The following SLC13A1 variants were observed in gnomAD, a reference collection of about 807,000 sequenced individuals.
SLC13A1 encodes the protein solute carrier family 13 member 1, also known as Na(+)/sulfate cotransporter.
A neutral mutation model predicts 70.0 loss-of-function variants in SLC13A1; 65 were observed. That is an observed-to-expected ratio of 0.93 (90% CI 0.76 to 1.14). The LOEUF is 1.14. SLC13A1 is among the 50% of genes most tolerant of loss of function. The pLI is 0.00. For missense variants in SLC13A1, 726 were observed against 717.8 expected (o/e 1.01, Z -0.13); for synonymous variants, 275 against 250.5 (o/e 1.10, Z -0.92).
At chr7:123,143,571 C>T (rs1018417779) in intron 7 of SLC13A1, among the ~76,000 whole-genome samples, 1 of 152,144 alleles carries the variant, frequency 6.6e-6, no homozygotes, top group Non-Finnish European at 1.5e-5. Flanking sequence ...CAAGAATGCT[C>T]TCTGCAACAT....
intron 7 of SLC13A1, among the ~76,000 whole-genome samples, chr7:123,144,527 T>A (rs879814647): frequency 1.3e-5 from 2 of 152,182 alleles, no homozygotes; most frequent in Non-Finnish European, 2.9e-5. Context: ...TCAAACTGGA[T>A]TTTTAACCCA....
At position 123,133,418 on chromosome 7, in the gene SLC13A1, CTTA is replaced by C. The variant is rs537117574; in HGVS notation, c.932+989_932+991del. 9.1e-3 allele frequency among the ~76,000 whole-genome samples: 1,392 copies of C among 152,272 alleles called. 16 individuals carry two copies. Among genetic ancestry groups the C allele is most frequent in the African/African-American group, 0.032 (1,319 of 41,554 alleles). The stretch of plus-strand genomic sequence containing the variant: ...CATTAAACCAAGTGGAGGGGCAAAC[CTTA>C]AAATTCCCCTTTAACAAGTTGGACA... On this transcript the variant is annotated intron_variant, in intron 8 of 14. Transcript: ENST00000194130.
At chr7:123,172,571 A>C (rs1337065535) in intron 2 of SLC13A1, among the ~76,000 whole-genome samples, 1 of 152,238 alleles carries the variant, frequency 6.6e-6, no homozygotes, top group African/African-American at 2.4e-5. Context: ...CAGTGAGCCG[A>C]GATCGTGCCA....
intron 7 of SLC13A1, among the ~76,000 whole-genome samples, chr7:123,144,288 C>T (rs1221772137): frequency 6.6e-6 from 1 of 152,052 alleles, no homozygotes; most frequent in Non-Finnish European, 1.5e-5. Context: ...GTATTACAAA[C>T]ATAGAAATGG....
Position 123,168,267 on chromosome 7 carries a change from T to C in SLC13A1, c.660+107A>G, listed in dbSNP as rs558179259. 1,813 of 704,818 alleles carry C rather than the reference T, an allele frequency of 2.6e-3. 6 individuals carry two copies. The highest frequency in any genetic ancestry group is 3.7e-3 in the Non-Finnish European group (1,564 of 420,750). The allele number at this position is 704,818 out of a possible 1,614,324, so 43.7% of individuals were successfully genotyped here. On this transcript the variant is annotated intron_variant, in intron 6 of 14. Coordinates refer to ENST00000194130, the MANE Select transcript of SLC13A1 (RefSeq NM_022444.4). ...GCTACTGCTTAGTCAAGCAAAATAA[T>C]TTATAGAAAAGGAAGCAAGTGGCAG...
intron 10 of SLC13A1, among the ~76,000 whole-genome samples, chr7:123,128,172 T>C (rs1793628665): frequency 6.6e-6 from 1 of 152,082 alleles, no homozygotes; most frequent in African/African-American, 2.4e-5. Flanking sequence ...AAATGGAGGC[T>C]GGGCTGAACT....
chr7:123,148,400 T>A (rs763338188), intron 6 of SLC13A1: 5 of 424,734 alleles, frequency 1.2e-5, no homozygotes, highest in South Asian at 8.6e-5. Flanking sequence ...ACCCCCATAG[T>A]TATACCTTGG....
chr7:123,145,617 A>G (rs2222510), intron 7 of SLC13A1, among the ~76,000 whole-genome samples: 92,300 of 152,070 alleles, frequency 0.61, 28,220 homozygotes, highest in African/African-American at 0.67. Flanking sequence ...TAGGGGATAC[A>G]TTGGATAAAT....
chr7:123,181,129 G>A, intron 1 of SLC13A1, 28 bp from the exon 2 acceptor site: 1 of 1,603,746 alleles, frequency 6.2e-7, no homozygotes, highest in Non-Finnish European at 8.5e-7. Context: ...AAAGCAAAAG[G>A]TGATATTATG....
chr7:123,198,294 CCGGGG>C (rs1796245678), intron 1 of SLC13A1, among the ~76,000 whole-genome samples: 1 of 151,544 alleles, frequency 6.6e-6, no homozygotes, highest in Admixed American at 6.6e-5. Context: ...TCACAAGGAG[CCGGGG>C]TGGGAGTGGC....
intron 6 of SLC13A1, among the ~76,000 whole-genome samples, chr7:123,157,851 G>T (rs966063973): frequency 6.6e-6 from 1 of 152,090 alleles, no homozygotes; most frequent in Non-Finnish European, 1.5e-5. Context: ...CAGGCCAAAT[G>T]TGTGTGGGGA....
At chr7:123,188,989 C>T (rs1585405679) in intron 1 of SLC13A1, among the ~76,000 whole-genome samples, 1 of 149,450 alleles carries the variant, frequency 6.7e-6, no homozygotes, top group Admixed American at 6.6e-5. Flanking sequence ...GTGGCGGGCG[C>T]CTGTAGTCCC....
intron 1 of SLC13A1, among the ~76,000 whole-genome samples, chr7:123,194,806 G>A (rs1796124018): frequency 6.6e-6 from 1 of 152,020 alleles, no homozygotes; most frequent in Admixed American, 6.6e-5. Context: ...ATGGAGAGAA[G>A]GGTAGTGGCA....
At chr7:123,119,575 A>C (rs913397201) in intron 12 of SLC13A1, among the ~76,000 whole-genome samples, 1 of 151,792 alleles carries the variant, frequency 6.6e-6, no homozygotes, top group Non-Finnish European at 1.5e-5. Flanking sequence ...CTTCTGATTC[A>C]CCTCTCTCTA....
At chr7:123,188,274 C>G (rs1795880350) in intron 1 of SLC13A1, among the ~76,000 whole-genome samples, 1 of 152,172 alleles carries the variant, frequency 6.6e-6, no homozygotes, top group Non-Finnish European at 1.5e-5. Flanking sequence ...TTGTAAGTTT[C>G]TTGAGGCCTC....
intron 1 of SLC13A1, among the ~76,000 whole-genome samples, chr7:123,197,717 A>C (rs1010146409): frequency 1.3e-5 from 2 of 152,272 alleles, no homozygotes; most frequent in East Asian, 3.9e-4. Context: ...CACCAGATGC[A>C]ACTTGGTGCC....
chr7:123,168,801 T>C (rs1008375349), intron 4 of SLC13A1, among the ~76,000 whole-genome samples: 33 of 152,244 alleles, frequency 2.2e-4, no homozygotes, highest in African/African-American at 6.3e-4. Context: ...TGTATCCAAA[T>C]AGAATGTAGG....
intron 7 of SLC13A1, among the ~76,000 whole-genome samples, chr7:123,135,429 GC>G (rs1451331759): frequency 6.6e-6 from 1 of 151,802 alleles, no homozygotes; most frequent in Non-Finnish European, 1.5e-5. Context: ...TTTTCTAAAA[GC>G]AATAACATAA....
intron 2 of SLC13A1, among the ~76,000 whole-genome samples, chr7:123,173,419 A>G (rs988858561): frequency 6.6e-6 from 1 of 152,104 alleles, no homozygotes; most frequent in African/African-American, 2.4e-5. Flanking sequence ...TAATTATATC[A>G]ATTTCCTTGC....
Sources: gnomAD v4.1 joint callset for allele counts (sites outside exome capture counted in the v4.1 genomes callset) on GRCh38, gnomAD v4.1.1 for gene constraint, MANE v1.5 for transcripts, NCBI Gene and HGNC (gene_info 2026-07-23, HGNC 2026-07-21) for gene names.